The following GNA12 variants were observed in gnomAD, a reference collection of about 807,000 sequenced individuals.
The protein encoded by GNA12 is guanine nucleotide-binding protein subunit alpha-12.
In GNA12, 9 loss-of-function variants were observed where a neutral mutation model predicts 26.0. The observed-to-expected ratio is 0.35, with a 90% CI of 0.21 to 0.60. GNA12 has a LOEUF of 0.60. Among genes scored for constraint, GNA12 ranks in the 20% least tolerant of loss-of-function variants. The pLI is 0.78. For synonymous variants in GNA12, 264 were observed against 219.6 expected, an observed-to-expected ratio of 1.20 and a Z score of -1.79; for missense variants, 405 against 525.8, an observed-to-expected ratio of 0.77 and a Z score of 2.25.
intron 2 of GNA12, among the ~76,000 whole-genome samples, chr7:2,748,496 C>A (rs865783533): frequency 1.0e-3 from 152 of 149,748 alleles, no homozygotes; most frequent in Middle Eastern, 6.9e-3. Flanking sequence ...TTACACCTTA[C>A]ACAAAAATTA....
intron 2 of GNA12, among the ~76,000 whole-genome samples, chr7:2,765,449 G>A (rs375242127): frequency 1.3e-5 from 2 of 152,050 alleles, no homozygotes; most frequent in Non-Finnish European, 2.9e-5. Flanking sequence ...CTGAGCCACC[G>A]CGCCCAGCCT....
At chr7:2,814,456 C>A (rs1298817177) in intron 1 of GNA12, 10 of 953,216 alleles carry the variant, frequency 1.0e-5, no homozygotes, top group Admixed American at 1.7e-5. Flanking sequence ...CAGAATAAAG[C>A]CCTGCTCAAG....
At chr7:2,814,534 A>T in intron 1 of GNA12, 1 of 668,530 alleles carries the variant, frequency 1.5e-6, no homozygotes, top group Non-Finnish European at 2.6e-6. Context: ...TTCTGCACCC[A>T]TGAAGTCTTT....
At chr7:2,737,262 C>G (rs1223874434) in intron 2 of GNA12, among the ~76,000 whole-genome samples, 2 of 119,594 alleles carry the variant, frequency 1.7e-5, no homozygotes, top group African/African-American at 6.2e-5. Flanking sequence ...AGCTATCTCA[C>G]AGTTTTGTTT....
intron 1 of GNA12, among the ~76,000 whole-genome samples, chr7:2,811,942 G>GT (rs892423911): frequency 8.5e-5 from 13 of 152,216 alleles, no homozygotes; most frequent in Non-Finnish European, 1.5e-4. Flanking sequence ...AAGGAAATCT[G>GT]TTTTTTTCAC....
At chr7:2,814,579 C>T (rs946747150) in intron 1 of GNA12, among the ~76,000 whole-genome samples, 8 of 151,638 alleles carry the variant, frequency 5.3e-5, no homozygotes, top group Non-Finnish European at 1.0e-4. Context: ...CCTTACTGGA[C>T]CATCCTATTT....
At chr7:2,783,040 C>A (rs1215592452) in intron 2 of GNA12, among the ~76,000 whole-genome samples, 1 of 152,154 alleles carries the variant, frequency 6.6e-6, no homozygotes, top group Admixed American at 6.5e-5. Flanking sequence ...CAAGTTAGGG[C>A]AGCTGTTTAA....
intron 1 of GNA12, among the ~76,000 whole-genome samples, chr7:2,796,272 C>T (rs1341948109): frequency 6.6e-6 from 1 of 152,116 alleles, no homozygotes; most frequent in Non-Finnish European, 1.5e-5. Flanking sequence ...ATGAATTAGG[C>T]ACAGTAAGAG....
intron 1 of GNA12, among the ~76,000 whole-genome samples, chr7:2,821,655 C>G (rs1793373452): frequency 6.6e-6 from 1 of 152,192 alleles, no homozygotes; most frequent in Non-Finnish European, 1.5e-5. Context: ...GCTCCCTGCT[C>G]CTCGTTTTCC....
intron 2 of GNA12, among the ~76,000 whole-genome samples, chr7:2,781,295 A>T (rs1418344244): frequency 6.6e-6 from 1 of 152,168 alleles, no homozygotes; most frequent in Non-Finnish European, 1.5e-5. Context: ...CTACATCAAG[A>T]TCATGAAGAT....
intron 1 of GNA12, among the ~76,000 whole-genome samples, chr7:2,803,704 G>C (rs943279055): frequency 6.6e-6 from 1 of 151,522 alleles, no homozygotes; most frequent in African/African-American, 2.4e-5. Flanking sequence ...GAACTGCAGA[G>C]AAAACTCTGG....
At chr7:2,741,211 G>C (rs142468808) in intron 2 of GNA12, among the ~76,000 whole-genome samples, 49 of 152,268 alleles carry the variant, frequency 3.2e-4, no homozygotes, top group African/African-American at 1.2e-3. Context: ...ACCTAGACTA[G>C]GTGTGGCGGC....
intron 3 of GNA12, among the ~76,000 whole-genome samples, chr7:2,732,710 A>G (rs1789963109): frequency 6.6e-6 from 1 of 152,240 alleles, no homozygotes. Context: ...GGACAGAGAA[A>G]CATCTTCAAT....
intron 1 of GNA12, among the ~76,000 whole-genome samples, chr7:2,811,390 C>T (rs35558717): frequency 6.6e-6 from 1 of 152,242 alleles, no homozygotes; most frequent in South Asian, 2.1e-4. Context: ...GCTGCCAGAA[C>T]TCTAGTTTCC....
intron 1 of GNA12, among the ~76,000 whole-genome samples, chr7:2,827,415 CAG>C (rs1341079693): frequency 1.3e-5 from 2 of 152,154 alleles, no homozygotes; most frequent in Non-Finnish European, 2.9e-5. Flanking sequence ...TTTTAAAAAA[CAG>C]AGTGAAAACA....
intron 2 of GNA12, among the ~76,000 whole-genome samples, chr7:2,789,078 AAAGTGCTCCCG>A (rs1221300518): frequency 1.3e-5 from 2 of 148,718 alleles, no homozygotes; most frequent in South Asian, 2.1e-4. Context: ...TTGGCCTCCC[AAAGTGCTCCCG>A]AAGTACAGGC....
intron 1 of GNA12, among the ~76,000 whole-genome samples, chr7:2,836,214 T>G (rs1778833757): frequency 6.6e-6 from 1 of 152,204 alleles, no homozygotes; most frequent in Non-Finnish European, 1.5e-5. Flanking sequence ...AAATCCTATG[T>G]GCAAATTCAG....
chr7:2,777,776 G>A (rs923192956), intron 2 of GNA12, among the ~76,000 whole-genome samples: 1 of 152,168 alleles, frequency 6.6e-6, no homozygotes, highest in African/African-American at 2.4e-5. Flanking sequence ...GAACTGTTAT[G>A]GCAGCTCCAG....
chr7:2,735,275 G>T (rs776171756), intron 2 of GNA12, among the ~76,000 whole-genome samples: 2 of 152,126 alleles, frequency 1.3e-5, no homozygotes, highest in Non-Finnish European at 2.9e-5. Context: ...AGGGAGCTGA[G>T]AGTAGCAGCA....
Sources: gnomAD v4.1 joint callset for allele counts (sites outside exome capture counted in the v4.1 genomes callset) on GRCh38, gnomAD v4.1.1 for gene constraint, MANE v1.5 for transcripts, NCBI Gene and HGNC (gene_info 2026-07-23, HGNC 2026-07-21) for gene names.